Variants in TPR observed in about 807,000 individuals in gnomAD.
TPR encodes the protein nucleoprotein TPR.
A neutral mutation model predicts 316.1 loss-of-function variants in TPR; 51 were observed. The observed-to-expected ratio is 0.16, with a 90% CI of 0.13 to 0.20. TPR has a LOEUF of 0.20. Ranked by LOEUF, TPR falls within the 10% of genes least tolerant of loss-of-function variation. The pLI, the probability that TPR is intolerant of heterozygous loss-of-function variation, is 1.00. For synonymous variants in TPR, 981 were observed against 914.7 expected, an observed-to-expected ratio of 1.07 and a Z score of -1.31; for missense variants, 2,272 against 2,754.8, an observed-to-expected ratio of 0.82 and a Z score of 3.92.
In TPR at chr1:186,344,031, A is replaced by G. The variant is rs1658600961; in HGVS notation, c.3477T>C (p.Leu1159=). The part of the protein sequence containing the change: ...CEDLEKQNRL[L]HDQIEKLSDK... ...CACTTAATTTTTCGATCTGATCATG[A>G]AGTAATCTGTTTTGTTTCTCCAGAT... is the stretch of plus-strand genomic sequence containing the variant. The change falls in exon 26 of 51, where the codon CTT becomes CTC. Residue 1159 remains leucine, a synonymous_variant. Coordinates refer to ENST00000367478, the MANE Select transcript of TPR (RefSeq NM_003292.3). The G allele has an allele frequency of 6.2e-7, 1 of 1,613,998 alleles. No individual in the cohort carries two copies. Among genetic ancestry groups the G allele is most frequent in the Non-Finnish European group, 8.5e-7 (1 of 1,180,028 alleles).
chr1:186,335,666 T>G (rs1571612777), intron 33 of TPR, 123 bp from the exon 34 acceptor site: 2 of 616,586 alleles, frequency 3.2e-6, no homozygotes, highest in East Asian at 6.0e-5. Context: ...TTAGTTATGA[T>G]ACATCATACA....
In TPR at chr1:186,369,425, C is replaced by T. The variant is rs536313020; in HGVS notation, c.331-1443G>A. 1.1e-4 allele frequency among the ~76,000 whole-genome samples: 16 copies of T among 152,062 alleles called. No individual in the cohort carries two copies. In the South Asian group the frequency reaches 2.1e-3, roughly 20 times the overall value. ...CATTATTTGCATCTTCAATTTCTTTCGTCAATGTTATATTATTTTCAGTAT... is the reference window on the plus strand; with the variant it reads ...CATTATTTGCATCTTCAATTTCTTTTGTCAATGTTATATTATTTTCAGTAT... On this transcript the variant is annotated intron_variant, in intron 3 of 50. Coordinates refer to ENST00000367478, the MANE Select transcript of TPR (RefSeq NM_003292.3).
chr1:186,349,499 A>T (rs961087805), intron 21 of TPR, among the ~76,000 whole-genome samples: 57 of 151,790 alleles, frequency 3.8e-4, no homozygotes, highest in Admixed American at 5.9e-4. Flanking sequence ...TAAAAAAAAA[A>T]AATACAAAAA....
chr1:186,323,999 G>A, intron 42 of TPR, 129 bp from the exon 43 acceptor site: 2 of 922,986 alleles, frequency 2.2e-6, no homozygotes, highest in Non-Finnish European at 3.1e-6. Context: ...GTAAAGTAGT[G>A]AGGTGTGATG....
At chr1:186,374,102 T>C (rs1659615899) in intron 1 of TPR, among the ~76,000 whole-genome samples, 1 of 152,184 alleles carries the variant, frequency 6.6e-6, no homozygotes, top group Non-Finnish European at 1.5e-5. Flanking sequence ...TAAAAACTTG[T>C]TCAGAATTTC....
At chr1:186,374,343 A>G (rs1424710091) in intron 1 of TPR, among the ~76,000 whole-genome samples, 2 of 152,214 alleles carry the variant, frequency 1.3e-5, no homozygotes, top group Non-Finnish European at 2.9e-5. Context: ...AGAAATCAAG[A>G]TATATTAAAT....
At chr1:186,315,367 A>G (rs1002500782) in intron 49 of TPR, among the ~76,000 whole-genome samples, 1 of 152,154 alleles carries the variant, frequency 6.6e-6, no homozygotes. Context: ...AGAAAACAAA[A>G]TATCAAGTCC....
At chr1:186,366,527 A>G (rs1053614534) in intron 4 of TPR, among the ~76,000 whole-genome samples, 1 of 152,158 alleles carries the variant, frequency 6.6e-6, no homozygotes, top group African/African-American at 2.4e-5. Context: ...CTGTGGGGGG[A>G]ATCAGCAACC....
In TPR at chr1:186,370,990, C is replaced by A. The variant is rs1464524629; in HGVS notation, c.310G>T (p.Asp104Tyr). 6.2e-7 allele frequency: 1 copy of A among 1,612,834 alleles called. No homozygotes were observed. The highest frequency in any genetic ancestry group is 8.5e-7 in the Non-Finnish European group (1 of 1,179,420). ...CTTACCTGAATGGCAATATTGCGAT[C>A]CTGAGCAATTTCAAGTTCTTTGTTT... ...EKNKELEIAQDRNIAIQSQFT... is the reference protein window; with the variant it reads ...EKNKELEIAQYRNIAIQSQFT... Residue 104 changes from aspartate to tyrosine, a missense_variant, in exon 3 of 51, where the codon GAT becomes TAT. Asp to Tyr is a radical substitution (Grantham distance 160). This residue lies in a region of TPR where 549 missense variants were observed against 598.6 expected (regional missense o/e 0.92). Transcript: ENST00000367478.
chr1:186,342,762 G>C (rs1259993386), intron 27 of TPR: 5 of 152,010 alleles, frequency 3.3e-5, no homozygotes, highest in African/African-American at 4.8e-5. Context: ...ATAAGCTTTG[G>C]GTGGTAGTGT....
At chr1:186,337,696 G>C (rs2102069380) in intron 31 of TPR, among the ~76,000 whole-genome samples, 1 of 151,932 alleles carries the variant, frequency 6.6e-6, no homozygotes, top group African/African-American at 2.4e-5. Context: ...TTTTTTGATA[G>C]GTGGTTAACA....
chr1:186,316,711 A>G (rs905892363), intron 49 of TPR, among the ~76,000 whole-genome samples: 1 of 152,162 alleles, frequency 6.6e-6, no homozygotes, highest in African/African-American at 2.4e-5. Flanking sequence ...CTTATTAGCT[A>G]TTTGACTTTG....
rs534575570 is a variant in TPR, at chr1:186,354,116, C to T, written c.2172-266G>A. On this transcript the variant is annotated intron_variant, in intron 17 of 50. Transcript: ENST00000367478. ...GCATGCTTATGTAAAATTAAATGAG[C>T]GCTGGCAGCAAGCTGCACTTTTTTT... Among the ~76,000 whole-genome samples the T allele has an allele frequency of 4.6e-5, 7 of 152,018 alleles. No individual in the cohort carries two copies. In the East Asian group the frequency reaches 5.8e-4, roughly 13 times the overall value.
rs777871193 is a variant in TPR, at chr1:186,318,541, T to A, written c.6727A>T (p.Met2243Leu). Residue 2243 changes from methionine (M) to leucine (L), a missense_variant, in exon 48 of 51, where the codon ATG becomes TTG. Coordinates refer to ENST00000367478, the MANE Select transcript of TPR (RefSeq NM_003292.3). The part of the protein sequence containing the change: ...ASEHASQSVP[M>L]VTTSTGTLST... ...AAAGTGCCAGTGGATGTAGTCACCA[T>A]TGGAACAGATTGAGAGGCATGTTCC... The A allele has an allele frequency of 6.2e-7, 1 of 1,614,034 alleles. No individual in the cohort carries two copies. Among genetic ancestry groups the A allele is most frequent in the Non-Finnish European group, 8.5e-7 (1 of 1,180,020 alleles).
intron 9 of TPR, 91 bp from the exon 10 acceptor site, chr1:186,360,996 C>G (rs1236765502): frequency 1.5e-6 from 2 of 1,294,034 alleles, no homozygotes; most frequent in East Asian, 4.9e-5. Flanking sequence ...CTCCCCTCAG[C>G]AGATAATATT....
At chr1:186,350,540 A>G in intron 20 of TPR, 152 bp from the exon 21 acceptor site, 2 of 555,404 alleles carry the variant, frequency 3.6e-6, no homozygotes, top group Non-Finnish European at 6.0e-6. Context: ...AACCAGACAA[A>G]ACACATGAAA....
At chr1:186,349,568 G>A (rs1266391098) in intron 21 of TPR, among the ~76,000 whole-genome samples, 1 of 151,702 alleles carries the variant, frequency 6.6e-6, no homozygotes, top group African/African-American at 2.4e-5. Context: ...GCTGAGGCAG[G>A]AGAATGGTGT....
intron 40 of TPR, among the ~76,000 whole-genome samples, chr1:186,326,749 CTTTTT>C (rs1303430357): frequency 6.6e-6 from 1 of 150,430 alleles, no homozygotes; most frequent in Non-Finnish European, 1.5e-5. Flanking sequence ...CTTGTTTCTT[CTTTTT>C]ATCTCCGGAA....
chr1:186,323,884 G>T lies in TPR; in HGVS notation c.6113-14C>A. 6.6e-7 allele frequency: 1 copy of T among 1,520,208 alleles called. No individual in the cohort carries two copies. Among genetic ancestry groups the T allele is most frequent in the Non-Finnish European group, 8.7e-7 (1 of 1,147,606 alleles). 94.2% of individuals were successfully genotyped at this position (1,520,208 alleles called of 1,614,324 possible). A position where few individuals can be genotyped will look rare whatever the true frequency, so the allele number is the denominator to read the frequency against. On this transcript the variant is annotated splice_polypyrimidine_tract_variant and intron_variant, in intron 42 of 50. Transcript: ENST00000367478. ...TATTTCCTTCACCTGTAGGAAAAGA[G>T]AAATTTACTTTTGAACTGCTAAATT...
Sources: allele counts gnomAD v4.1 joint callset (sites outside exome capture counted in the v4.1 genomes callset), GRCh38; gene constraint gnomAD v4.1.1; regional missense constraint gnomAD v4.1.1; transcripts MANE v1.5; gene names NCBI Gene and HGNC (gene_info 2026-07-23, HGNC 2026-07-21).